ZNF461: variants seen among roughly 807,000 people sequenced by gnomAD.
The protein encoded by ZNF461 is gonadotropin-inducible ovarian transcription factor-1.
ZNF461 carries 16 observed loss-of-function variants against 18.3 expected under a neutral mutation model. The observed-to-expected ratio is 0.88, with a 90% CI of 0.59 to 1.33. The LOEUF (loss-of-function observed/expected upper bound fraction) is 1.33, where lower values mean the gene tolerates loss of function less well. Among genes scored for constraint, ZNF461 ranks in the 40% most tolerant of loss-of-function variants. The pLI is 0.00. For missense variants in ZNF461, 595 were observed against 669.9 expected, an observed-to-expected ratio of 0.89 and a Z score of 1.23; for synonymous variants, 179 against 216.9, an observed-to-expected ratio of 0.83 and a Z score of 1.54.
At chr19:36,656,693 C>T in intron 3 of ZNF461, 150 bp from the exon 4 acceptor site, 1 of 618,102 alleles carries the variant, frequency 1.6e-6, no homozygotes, top group Non-Finnish European at 2.8e-6. Context: ...ATGAAACACT[C>T]ATATTCAGAT....
intron 4 of ZNF461, among the ~76,000 whole-genome samples, chr19:36,649,213 T>C (rs1051109389): frequency 1.3e-5 from 2 of 152,138 alleles, no homozygotes; most frequent in Non-Finnish European, 2.9e-5. Flanking sequence ...AATCAACTAA[T>C]GCAAATACAA....
chr19:36,648,666 G>A (rs2037571301), intron 4 of ZNF461, among the ~76,000 whole-genome samples: 1 of 151,932 alleles, frequency 6.6e-6, no homozygotes, highest in Non-Finnish European at 1.5e-5. Context: ...TGCAACCTTC[G>A]CCTCCCAGGT....
chr19:36,657,022 A>T (rs35621405), intron 3 of ZNF461, among the ~76,000 whole-genome samples: 6,959 of 151,650 alleles, frequency 0.046, 452 homozygotes, highest in African/African-American at 0.14. Context: ...TTTGGCCCAT[A>T]TTGGCCAGGC....
At chr19:36,649,616 CCA>C (rs1203496580) in intron 4 of ZNF461, among the ~76,000 whole-genome samples, 251 of 152,148 alleles carry the variant, frequency 1.6e-3, no homozygotes, top group African/African-American at 5.9e-3. Flanking sequence ...CAGGTGTGAG[CCA>C]CTGCGCCCGG....
At chr19:36,659,157 T>C (rs1352804160) in intron 2 of ZNF461, among the ~76,000 whole-genome samples, 2 of 151,982 alleles carry the variant, frequency 1.3e-5, no homozygotes, top group Non-Finnish European at 2.9e-5. Flanking sequence ...ATGGGAGAGC[T>C]CATGAGGAAA....
chr19:36,658,162 A>G lies in ZNF461; in HGVS notation c.136+137T>C, dbSNP rs998094638. The G allele has an allele frequency of 6.9e-5, 62 of 899,374 alleles. No individual in the cohort carries two copies. The Middle Eastern group carries it at 1.3e-3, about 19-fold the overall frequency. The allele number at this position is 899,374 out of a possible 1,614,324, so 55.7% of individuals were successfully genotyped here. On this transcript the variant is annotated intron_variant, in intron 3 of 5. Coordinates refer to ENST00000588268, the MANE Select transcript of ZNF461 (RefSeq NM_153257.5). ...TTAGCTGTGCTGGTTTCTACAATAC[A>G]TAAAGAGAAAATTCATCCAGTTATT...
chr19:36,665,518 G>A (rs2037895430), intron 1 of ZNF461, among the ~76,000 whole-genome samples: 1 of 152,112 alleles, frequency 6.6e-6, no homozygotes, highest in South Asian at 2.1e-4. Flanking sequence ...AGACCAGCCT[G>A]GCCAACATGG....
At chr19:36,640,915 C>G (rs1178993060) in intron 5 of ZNF461, among the ~76,000 whole-genome samples, 1 of 152,184 alleles carries the variant, frequency 6.6e-6, no homozygotes, top group African/African-American at 2.4e-5. Context: ...ACTTCAGCTC[C>G]TAGGCATGAG....
At chr19:36,652,446 A>G (rs1307967345) in intron 4 of ZNF461, among the ~76,000 whole-genome samples, 1 of 150,012 alleles carries the variant, frequency 6.7e-6, no homozygotes, top group East Asian at 2.0e-4. Context: ...CGTTGCAGTG[A>G]GCTGAGATTG....
rs1171229105 is a variant in ZNF461, at chr19:36,639,139, G to A, written c.1206C>T (p.His402=). The change falls in exon 6 of 6, where the codon CAC becomes CAT. Residue 402 remains histidine (H), a synonymous_variant. Transcript: ENST00000588268. ...KAFSYHSSFS[H]HQKIHSGKKP... is the part of the protein sequence containing the mutation. ...TCTTGCCAGAATGAATTTTCTGATG[G>A]TGTGAGAAGCTTGAGTGATAGCTAA... 1 of 1,609,936 alleles carries A rather than the reference G, an allele frequency of 6.2e-7. No homozygotes were observed. The highest frequency in any genetic ancestry group is 8.5e-7 in the Non-Finnish European group (1 of 1,178,878).
At chr19:36,641,567 G>GT (rs977508256) in intron 5 of ZNF461, among the ~76,000 whole-genome samples, 3 of 138,070 alleles carry the variant, frequency 2.2e-5, no homozygotes, top group Non-Finnish European at 3.3e-5. Flanking sequence ...ATATATATAT[G>GT]TTTTTTTACC....
At chr19:36,660,825 A>T (rs2037806015) in intron 2 of ZNF461, among the ~76,000 whole-genome samples, 1 of 152,148 alleles carries the variant, frequency 6.6e-6, no homozygotes, top group South Asian at 2.1e-4. Flanking sequence ...CAGTCTATAT[A>T]GAAGAATAAA....
chr19:36,642,680 T>A lies in ZNF461; in HGVS notation c.301+1114A>T, dbSNP rs542572562. Among the ~76,000 whole-genome samples, 4 of 150,596 alleles carry A rather than the reference T, an allele frequency of 2.7e-5. No homozygotes were observed. In the South Asian group the frequency reaches 6.3e-4, roughly 24 times the overall value. ...CCATTTTCAAAGCAGGAAGTTAGAC[T>A]TCTTTTTTTTTTTTTTTTGGTTTGA... On this transcript the variant is annotated intron_variant, in intron 5 of 5. Coordinates refer to ENST00000588268, the MANE Select transcript of ZNF461 (RefSeq NM_153257.5).
At chr19:36,657,066 T>C (rs2037735601) in intron 3 of ZNF461, among the ~76,000 whole-genome samples, 1 of 151,958 alleles carries the variant, frequency 6.6e-6, no homozygotes, top group African/African-American at 2.4e-5. Flanking sequence ...GTGATCCACT[T>C]GCCTCAGCGT....
intron 1 of ZNF461, among the ~76,000 whole-genome samples, chr19:36,666,036 G>C (rs1221025770): frequency 6.6e-6 from 1 of 152,102 alleles, no homozygotes; most frequent in East Asian, 1.9e-4. Flanking sequence ...AGTTGACTGA[G>C]AGGAGTGGAA....
At chr19:36,647,817 T>C (rs2037555095) in intron 4 of ZNF461, among the ~76,000 whole-genome samples, 1 of 152,126 alleles carries the variant, frequency 6.6e-6, no homozygotes, top group African/African-American at 2.4e-5. Context: ...GGTTTTCTCA[T>C]AAATGGTTTA....
intron 4 of ZNF461, among the ~76,000 whole-genome samples, chr19:36,644,420 C>T (rs1432444683): frequency 6.6e-6 from 1 of 151,648 alleles, no homozygotes; most frequent in Non-Finnish European, 1.5e-5. Context: ...AGGCGTGAAC[C>T]ACCGCATCTG....
intron 2 of ZNF461, among the ~76,000 whole-genome samples, chr19:36,659,822 G>A (rs886763725): frequency 5.3e-5 from 8 of 152,076 alleles, no homozygotes; most frequent in Non-Finnish European, 8.8e-5. Context: ...ATCTAAAACC[G>A]GAGTTTGTAA....
chr19:36,643,127 TAAACAC>T (rs1183885849), intron 5 of ZNF461: 2 of 152,140 alleles, frequency 1.3e-5, no homozygotes, highest in African/African-American at 4.8e-5. Context: ...TGTACAGATA[TAAACAC>T]AAACACACAC....
Sources: allele counts gnomAD v4.1 joint callset (sites outside exome capture counted in the v4.1 genomes callset), GRCh38; gene constraint gnomAD v4.1.1; transcripts MANE v1.5; gene names NCBI Gene and HGNC (gene_info 2026-07-23, HGNC 2026-07-21).